RBMS3: variants seen among roughly 807,000 people sequenced by gnomAD.
The protein encoded by RBMS3 is RNA-binding motif, single-stranded-interacting protein 3.
In RBMS3, 27 loss-of-function variants were observed where a neutral mutation model predicts 66.8. The observed-to-expected ratio is 0.40, with a 90% CI of 0.30 to 0.56. The LOEUF is 0.56. RBMS3 is among the 20% of genes least tolerant of loss of function. The pLI, the probability that RBMS3 is intolerant of heterozygous loss-of-function variation, is 0.40. For missense variants in RBMS3, 513 were observed against 549.5 expected (o/e 0.93, Z 0.66); for synonymous variants, 188 against 183.0 (o/e 1.03, Z -0.22).
chr3:29,755,269 TG>T (rs1454032015), intron 5 of RBMS3, among the ~76,000 whole-genome samples: 1 of 151,896 alleles, frequency 6.6e-6, no homozygotes, highest in Non-Finnish European at 1.5e-5. Context: ...CATAGATGAG[TG>T]TCCCTACTGG....
intron 6 of RBMS3, among the ~76,000 whole-genome samples, chr3:29,794,549 G>C (rs1035953166): frequency 2.6e-5 from 4 of 152,186 alleles, no homozygotes; most frequent in Non-Finnish European, 5.9e-5. Flanking sequence ...TTGCGCCACT[G>C]CACTCCAGCA....
intron 10 of RBMS3, among the ~76,000 whole-genome samples, chr3:29,935,435 T>G (rs2371904): frequency 0.025 from 3,732 of 152,260 alleles, 132 homozygotes; most frequent in East Asian, 0.11. Context: ...CATAAAAATT[T>G]GACCAGCTCT....
chr3:29,902,696 T>C (rs2060284821), intron 10 of RBMS3, among the ~76,000 whole-genome samples: 1 of 151,922 alleles, frequency 6.6e-6, no homozygotes, highest in Admixed American at 6.6e-5. Context: ...TCACATTTTC[T>C]CTTTCCTCAC....
intron 3 of RBMS3, among the ~76,000 whole-genome samples, chr3:29,530,386 A>G (rs2045305078): frequency 6.6e-6 from 1 of 152,242 alleles, no homozygotes; most frequent in African/African-American, 2.4e-5. Context: ...GCTACCAAAG[A>G]AAATCACAAT....
At chr3:29,384,540 C>T (rs1406017817) in intron 1 of RBMS3, among the ~76,000 whole-genome samples, 3 of 151,980 alleles carry the variant, frequency 2.0e-5, no homozygotes, top group Non-Finnish European at 1.5e-5. Flanking sequence ...GAAATAGAGG[C>T]CCACAGCTCC....
At position 29,959,104 on chromosome 3, in the gene RBMS3, C is replaced by G. The variant is rs550980157; in HGVS notation, c.1098+14850C>G. Among the ~76,000 whole-genome samples the G allele has an allele frequency of 2.6e-5, 4 of 152,258 alleles. No homozygotes were observed. The South Asian group carries it at 8.3e-4, about 32-fold the overall frequency. ...TGAAAGAATGAATACAAGTTTTGAA[C>G]AAGATGAGCATTTAAATCCCAGCTC... On this transcript the variant is annotated intron_variant, in intron 12 of 14. Coordinates refer to ENST00000383767, the MANE Select transcript of RBMS3 (RefSeq NM_001003793.3).
chr3:29,764,130 A>G (rs1576734882), intron 6 of RBMS3, among the ~76,000 whole-genome samples: 1 of 149,934 alleles, frequency 6.7e-6, no homozygotes. Flanking sequence ...TTAAGGGGGG[A>G]TGTCAAGAAT....
At chr3:29,285,081 G>C (rs930188167) in intron 1 of RBMS3, among the ~76,000 whole-genome samples, 3 of 150,588 alleles carry the variant, frequency 2.0e-5, no homozygotes, top group Non-Finnish European at 3.0e-5. Flanking sequence ...TAGTTCATTA[G>C]CTTAATGACA....
chr3:29,788,591 T>C (rs1441095718), intron 6 of RBMS3, among the ~76,000 whole-genome samples: 1 of 152,192 alleles, frequency 6.6e-6, no homozygotes, highest in African/African-American at 2.4e-5. Flanking sequence ...TAGTATTCCA[T>C]TGAACATATG....
At chr3:29,799,429 A>T (rs2057319419) in intron 6 of RBMS3, among the ~76,000 whole-genome samples, 1 of 152,192 alleles carries the variant, frequency 6.6e-6, no homozygotes, top group Non-Finnish European at 1.5e-5. Context: ...TTTTTTTAGC[A>T]CAACAAAATA....
intron 5 of RBMS3, among the ~76,000 whole-genome samples, chr3:29,744,557 G>A (rs1360206153): frequency 6.6e-6 from 1 of 152,188 alleles, no homozygotes; most frequent in Non-Finnish European, 1.5e-5. Context: ...GCCAAGGCAG[G>A]CAGATCATGA....
chr3:29,824,121 C>T (rs560170704), intron 6 of RBMS3, among the ~76,000 whole-genome samples: 1 of 151,618 alleles, frequency 6.6e-6, no homozygotes, highest in South Asian at 2.1e-4. Flanking sequence ...CCACCCCCAC[C>T]CCACCCCACG....
intron 4 of RBMS3, among the ~76,000 whole-genome samples, chr3:29,620,113 C>A (rs996787314): frequency 1.3e-5 from 2 of 151,862 alleles, no homozygotes; most frequent in Non-Finnish European, 2.9e-5. Flanking sequence ...GCTTACAGTT[C>A]CAGAAAACAA....
chr3:29,534,712 A>G (rs1461580371), intron 3 of RBMS3, among the ~76,000 whole-genome samples: 1 of 152,202 alleles, frequency 6.6e-6, no homozygotes, highest in East Asian at 1.9e-4. Context: ...AATCTTCTAG[A>G]TGGTGACAAA....
intron 10 of RBMS3, among the ~76,000 whole-genome samples, chr3:29,905,451 C>A (rs527282856): frequency 4.6e-5 from 7 of 151,700 alleles, no homozygotes; most frequent in African/African-American, 1.7e-4. Flanking sequence ...TTTTTTTCCC[C>A]CAAACATGGA....
At chr3:29,929,190 G>A (rs149469611) in intron 10 of RBMS3, among the ~76,000 whole-genome samples, 7 of 152,090 alleles carry the variant, frequency 4.6e-5, no homozygotes, top group South Asian at 2.1e-4. Flanking sequence ...CCCTTTGACC[G>A]TAGAGTCCTC....
chr3:29,454,339 T>G (rs1320954172), intron 2 of RBMS3, among the ~76,000 whole-genome samples: 1 of 152,214 alleles, frequency 6.6e-6, no homozygotes, highest in East Asian at 1.9e-4. Flanking sequence ...CTGGCAAGAT[T>G]AGTTTCCCTC....
At chr3:29,413,945 C>A (rs1417484038) in intron 1 of RBMS3, among the ~76,000 whole-genome samples, 1 of 152,010 alleles carries the variant, frequency 6.6e-6, no homozygotes, top group South Asian at 2.1e-4. Context: ...GCTATTCTAT[C>A]CTCCCTTCTC....
chr3:29,396,134 T>C (rs1432129773), intron 1 of RBMS3, among the ~76,000 whole-genome samples: 3 of 152,288 alleles, frequency 2.0e-5, no homozygotes, highest in Admixed American at 6.5e-5. Flanking sequence ...CGCAGCTGGA[T>C]ATCATGTGCC....
Sources: gnomAD v4.1 joint callset for allele counts (sites outside exome capture counted in the v4.1 genomes callset) on GRCh38, gnomAD v4.1.1 for gene constraint, MANE v1.5 for transcripts, NCBI Gene and HGNC (gene_info 2026-07-23, HGNC 2026-07-21) for gene names.